The following CDS2 variants were observed in gnomAD, a reference collection of about 807,000 sequenced individuals.
CDS2 encodes phosphatidate cytidylyltransferase 2.
In CDS2, 47 loss-of-function variants were observed where a neutral mutation model predicts 59.0. The ratio of observed to expected loss-of-function variants is 0.80; its 90% confidence interval spans 0.63 to 1.02. The LOEUF (loss-of-function observed/expected upper bound fraction) is 1.02. CDS2 is among the 50% of genes least tolerant of loss of function. The pLI, the probability that CDS2 is intolerant of heterozygous loss-of-function variation, is 0.00. For synonymous variants in CDS2, 207 were observed against 206.4 expected (o/e 1.00, Z -0.02); for missense variants, 356 against 558.9 (o/e 0.64, Z 3.66).
intron 1 of CDS2, among the ~76,000 whole-genome samples, chr20:5,145,465 A>G (rs2090734640): frequency 6.6e-6 from 1 of 152,158 alleles, no homozygotes; most frequent in Admixed American, 6.5e-5. Context: ...TTTCTGTTAC[A>G]ATCCCTAGTT....
chr20:5,127,703 A>T lies in CDS2; in HGVS notation c.57+554A>T, dbSNP rs534857486. Among the ~76,000 whole-genome samples, 9 of 150,912 alleles carry T rather than the reference A, an allele frequency of 6.0e-5. No individual in the cohort carries two copies. In the South Asian group the frequency reaches 1.5e-3, roughly 25 times the overall value. On this transcript the variant is annotated intron_variant, in intron 1 of 12. Coordinates refer to ENST00000460006, the MANE Select transcript of CDS2 (RefSeq NM_003818.4). ...CCAGTCCGTCATCAGCAGGTGTTGGAGGGCGTCCTCCCGGTTGATGGGTTG... is the reference window on the plus strand; with the variant it reads ...CCAGTCCGTCATCAGCAGGTGTTGGTGGGCGTCCTCCCGGTTGATGGGTTG...
At chr20:5,147,883 C>G (rs1329228625) in intron 1 of CDS2, among the ~76,000 whole-genome samples, 5 of 152,130 alleles carry the variant, frequency 3.3e-5, no homozygotes, top group Non-Finnish European at 5.9e-5. Flanking sequence ...ACCAGTCTTT[C>G]AGCTCTGTGT....
rs1468840981 is a variant in CDS2 at position 5,195,123 on chromosome 20, GGGT to G, written c.*4893_*4895del. The G allele has an allele frequency of 6.6e-6, 1 of 152,082 alleles. No homozygotes were observed. Among genetic ancestry groups the G allele is most frequent in the Non-Finnish European group, 1.5e-5 (1 of 68,032 alleles). 9.4% of individuals were successfully genotyped at this position (152,082 alleles called of 1,614,324 possible). A position where few individuals can be genotyped will look rare whatever the true frequency, so the allele number is the denominator to read the frequency against. ...GTCTGATAATAGTACCTTCTTCCTGGGGTGGTTGTGAGGATATAACGAGGTAAT... is the reference window on the plus strand; with the variant it reads ...GTCTGATAATAGTACCTTCTTCCTGGGGTTGTGAGGATATAACGAGGTAAT... On this transcript the variant is annotated 3_prime_UTR_variant, in exon 13 of 13. Transcript: ENST00000460006.
Position 5,191,896 on chromosome 20 carries a change from A to T in CDS2, c.*1662A>T, listed in dbSNP as rs1055050687. 6.6e-6 allele frequency: 1 copy of T among 152,144 alleles called. No homozygotes were observed. Among genetic ancestry groups the T allele is most frequent in the African/African-American group, 2.4e-5 (1 of 41,414 alleles). The allele number at this position is 152,144 out of a possible 1,614,324, so 9.4% of individuals were successfully genotyped here. ...CAGTATTGGCTGTGTCACTGGCAGG[A>T]TGCATCACTCTCCAGGGCCTCTTTT... On this transcript the variant is annotated 3_prime_UTR_variant, in exon 13 of 13. Transcript: ENST00000460006.
chr20:5,145,822 G>GTTTTTTT (rs11470811), intron 1 of CDS2, among the ~76,000 whole-genome samples: 1 of 129,254 alleles, frequency 7.7e-6, no homozygotes, highest in Non-Finnish European at 1.6e-5. Flanking sequence ...TGCTTTTTGT[G>GTTTTTTT]TTTTTTTTTT....
chr20:5,128,428 C>T (rs1190119095), intron 1 of CDS2: 2 of 152,034 alleles, frequency 1.3e-5, no homozygotes, highest in Non-Finnish European at 1.5e-5. Flanking sequence ...AAACAACTTT[C>T]GTGTTATTGC....
intron 1 of CDS2, among the ~76,000 whole-genome samples, chr20:5,164,122 T>G (rs1039692533): frequency 7.9e-5 from 12 of 152,078 alleles, no homozygotes; most frequent in Non-Finnish European, 2.9e-5. Flanking sequence ...ATGACACATT[T>G]GGGATTGAGA....
At chr20:5,153,796 G>T (rs912039286) in intron 1 of CDS2, among the ~76,000 whole-genome samples, 2 of 152,136 alleles carry the variant, frequency 1.3e-5, no homozygotes, top group Non-Finnish European at 1.5e-5. Context: ...TGTAGCTTTA[G>T]TGAGTTCCTG....
intron 1 of CDS2, among the ~76,000 whole-genome samples, chr20:5,153,719 C>T (rs1376214289): frequency 1.3e-5 from 2 of 152,130 alleles, no homozygotes; most frequent in Admixed American, 1.3e-4. Flanking sequence ...AGTTGCAGCC[C>T]TTTTTGTTTT....
At chr20:5,174,339 T>C (rs1173175108) in intron 2 of CDS2, among the ~76,000 whole-genome samples, 1 of 152,184 alleles carries the variant, frequency 6.6e-6, no homozygotes, top group African/African-American at 2.4e-5. Context: ...AGATCCCAGC[T>C]TTACTGTTTG....
At chr20:5,165,349 C>T (rs55673215) in intron 1 of CDS2, among the ~76,000 whole-genome samples, 2 of 152,106 alleles carry the variant, frequency 1.3e-5, no homozygotes, top group African/African-American at 4.8e-5. Context: ...TCAGCCTACG[C>T]GACATGTAGC....
intron 1 of CDS2, among the ~76,000 whole-genome samples, chr20:5,142,753 A>C (rs1292253632): frequency 6.6e-6 from 1 of 152,240 alleles, no homozygotes; most frequent in Non-Finnish European, 1.5e-5. Context: ...GAAGATATTT[A>C]TAACAAATGT....
chr20:5,183,090 T>A lies in CDS2; in HGVS notation c.618T>A (p.Ile206=), dbSNP rs1237622895. Residue 206 remains isoleucine, a synonymous_variant, in exon 7 of 13, where the codon ATT becomes ATA. Coordinates refer to ENST00000460006, the MANE Select transcript of CDS2 (RefSeq NM_003818.4). The part of the protein sequence containing the change: ...MFGWTHVTLL[I]VVTQSHLVIH... The stretch of plus-strand genomic sequence containing the variant: ...GCTGGACCCATGTGACATTGCTGAT[T>A]GTTGTAACACAGTCACATCTTGTTA... The A allele has an allele frequency of 6.2e-7, 1 of 1,614,176 alleles. No individual in the cohort carries two copies. Among genetic ancestry groups the A allele is most frequent in the Non-Finnish European group, 8.5e-7 (1 of 1,179,992 alleles).
At chr20:5,188,201 T>C (rs886430742) in intron 10 of CDS2, among the ~76,000 whole-genome samples, 2 of 152,204 alleles carry the variant, frequency 1.3e-5, no homozygotes, top group African/African-American at 4.8e-5. Context: ...CATGGTGTTA[T>C]ATAGTCATGC....
At chr20:5,178,486 A>C (rs2091009897) in intron 4 of CDS2, among the ~76,000 whole-genome samples, 1 of 152,226 alleles carries the variant, frequency 6.6e-6, no homozygotes, top group East Asian at 1.9e-4. Context: ...GAGACTGGGG[A>C]AGCAGGATGA....
chr20:5,148,465 T>C (rs1001761398), intron 1 of CDS2, among the ~76,000 whole-genome samples: 1 of 152,230 alleles, frequency 6.6e-6, no homozygotes, highest in Non-Finnish European at 1.5e-5. Context: ...CCATCTGTTT[T>C]GTTACATGTG....
At chr20:5,149,682 G>T (rs926886216) in intron 1 of CDS2, among the ~76,000 whole-genome samples, 1 of 152,102 alleles carries the variant, frequency 6.6e-6, no homozygotes. Flanking sequence ...GATTACAGGT[G>T]TGAGCCACCA....
chr20:5,127,099 G>A lies in CDS2; in HGVS notation c.7G>A (p.Glu3Lys). The change falls in exon 1 of 13, where the codon GAG becomes AAG. Residue 3 changes from glutamate to lysine, a missense_variant. By Grantham distance (56) the Glu-to-Lys change is moderately conservative. Around this residue, in one of 5 missense-constraint regions of CDS2, gnomAD observed 107 missense variants for 129.7 expected, o/e 0.82. Coordinates refer to ENST00000460006, the MANE Select transcript of CDS2 (RefSeq NM_003818.4). Reference sequence around the variant, plus strand: ...TCGGGCCGATTTTCCCAGGATGACAGAGCTGAGGCAGAGGGTGGCCCATGA... The same window carrying A: ...TCGGGCCGATTTTCCCAGGATGACAAAGCTGAGGCAGAGGGTGGCCCATGA... MT[E>K]LRQRVAHEPV... 1.3e-6 allele frequency: 2 copies of A among 1,499,594 alleles called. No homozygotes were observed. Among genetic ancestry groups the A allele is most frequent in the Non-Finnish European group, 1.8e-6 (2 of 1,123,874 alleles). 92.9% of individuals were successfully genotyped at this position (1,499,594 alleles called of 1,614,324 possible).
In CDS2 at chr20:5,190,401, A is replaced by T; in HGVS notation, c.*167A>T. On this transcript the variant is annotated 3_prime_UTR_variant, in exon 13 of 13. Transcript: ENST00000460006. ...GTGGGTTCAAAAAATCTGTATATAC[A>T]GTCTATGTGTTTAGAATTTGTGTTG... 1.9e-6 allele frequency: 1 copy of T among 539,820 alleles called. No individual in the cohort carries two copies. 33.4% of individuals were successfully genotyped at this position (539,820 alleles called of 1,614,324 possible).
Sources: allele counts gnomAD v4.1 joint callset (sites outside exome capture counted in the v4.1 genomes callset), GRCh38; gene constraint gnomAD v4.1.1; regional missense constraint gnomAD v4.1.1; transcripts MANE v1.5; gene names NCBI Gene and HGNC (gene_info 2026-07-23, HGNC 2026-07-21).